Variants in CPXM2 observed in about 807,000 individuals in gnomAD.
CPXM2 encodes the protein inactive carboxypeptidase-like protein X2.
In CPXM2, 66 loss-of-function variants were observed where a neutral mutation model predicts 86.1. The observed-to-expected ratio is 0.77, with a 90% CI of 0.63 to 0.94. The LOEUF is 0.94. Ranked by LOEUF, CPXM2 falls within the 40% of genes least tolerant of loss-of-function variation. The pLI is 0.00. For synonymous variants in CPXM2, 388 were observed against 400.2 expected (o/e 0.97, Z 0.36); for missense variants, 948 against 1,026.3 (o/e 0.92, Z 1.04).
intron 3 of CPXM2, among the ~76,000 whole-genome samples, chr10:123,854,518 T>G (rs1460576163): frequency 6.8e-6 from 1 of 147,474 alleles, no homozygotes; most frequent in African/African-American, 2.5e-5. Context: ...AGGGGCTAAG[T>G]GACCTGCCCT....
At chr10:123,859,001 C>T (rs1848798915) in intron 3 of CPXM2, among the ~76,000 whole-genome samples, 2 of 152,216 alleles carry the variant, frequency 1.3e-5, no homozygotes, top group African/African-American at 4.8e-5. Flanking sequence ...GGGCATCTCA[C>T]CCGAGGCCAC....
intron 6 of CPXM2, among the ~76,000 whole-genome samples, chr10:123,787,117 TAGGAGGCTCCA>T (rs1351119388): frequency 1.3e-5 from 2 of 152,238 alleles, no homozygotes; most frequent in East Asian, 3.9e-4. Context: ...GTGTCAGTGG[TAGGAGGCTCCA>T]AGGTGGCTCC....
intron 4 of CPXM2, among the ~76,000 whole-genome samples, chr10:123,841,907 C>T (rs1263695847): frequency 6.6e-6 from 1 of 152,212 alleles, no homozygotes; most frequent in Non-Finnish European, 1.5e-5. Context: ...TCGTGATCCT[C>T]CATTTAGGAA....
chr10:123,752,625 C>T (rs896239097), intron 13 of CPXM2: 3 of 985,074 alleles, frequency 3.0e-6, no homozygotes, highest in East Asian at 2.3e-4. Context: ...GTTGGCACGA[C>T]AGGATCATGG....
At chr10:123,807,716 A>G (rs1847610326) in intron 4 of CPXM2, among the ~76,000 whole-genome samples, 1 of 152,234 alleles carries the variant, frequency 6.6e-6, no homozygotes, top group African/African-American at 2.4e-5. Flanking sequence ...CTGATCTAAC[A>G]TAAAAGCTGA....
At chr10:123,925,285 G>A (rs1451593803) in intron 2 of CPXM2, among the ~76,000 whole-genome samples, 1 of 152,090 alleles carries the variant, frequency 6.6e-6, no homozygotes, top group African/African-American at 2.4e-5. Context: ...GAGAATTCAG[G>A]CTTGAAAGCT....
At chr10:123,877,927 T>C (rs574938159) in intron 2 of CPXM2, among the ~76,000 whole-genome samples, 1 of 152,310 alleles carries the variant, frequency 6.6e-6, no homozygotes, top group East Asian at 1.9e-4. Flanking sequence ...TAACTCAATG[T>C]AGTTAACATC....
chr10:123,922,424 A>G (rs1945585856), intron 2 of CPXM2, among the ~76,000 whole-genome samples: 1 of 152,168 alleles, frequency 6.6e-6, no homozygotes, highest in Non-Finnish European at 1.5e-5. Flanking sequence ...ATGTAATGCA[A>G]TTTTGCCCTT....
chr10:123,799,148 C>T lies in CPXM2; in HGVS notation c.705G>A (p.Thr235=), dbSNP rs7921802. 615 of 1,614,164 alleles carry T rather than the reference C, an allele frequency of 3.8e-4. 2 individuals carry two copies. In the African/African-American group the frequency reaches 7.1e-3, roughly 19 times the overall value. ...CAGATCCATTCTTAACAGTGACCCACGTGTGGCTGTCATTGCTCACCATGA... is the reference window on the plus strand; with the variant it reads ...CAGATCCATTCTTAACAGTGACCCATGTGTGGCTGTCATTGCTCACCATGA... ...YKVMVSNDSH[T]WVTVKNGSGD... is the part of the protein sequence containing the mutation. The change falls in exon 5 of 14, where the codon ACG becomes ACA. Residue 235 remains threonine, a synonymous_variant. Transcript: ENST00000241305.
At chr10:123,880,614 G>T (rs1479427703) in intron 1 of CPXM2, among the ~76,000 whole-genome samples, 1 of 152,012 alleles carries the variant, frequency 6.6e-6, no homozygotes, top group Non-Finnish European at 1.5e-5. Flanking sequence ...TGGATCACAA[G>T]GTCAGGAGAT....
At chr10:123,876,083 C>T (rs952414513) in intron 2 of CPXM2, among the ~76,000 whole-genome samples, 2 of 152,070 alleles carry the variant, frequency 1.3e-5, no homozygotes, top group Non-Finnish European at 2.9e-5. Flanking sequence ...TCCCAAAGTG[C>T]TAGGATTACA....
intron 3 of CPXM2, among the ~76,000 whole-genome samples, chr10:123,849,562 T>C (rs1289642142): frequency 6.6e-6 from 1 of 151,096 alleles, no homozygotes; most frequent in East Asian, 2.0e-4. Context: ...TACAGGCACC[T>C]GCCACCACAT....
chr10:123,752,731 G>A, intron 13 of CPXM2: 1 of 445,534 alleles, frequency 2.2e-6, no homozygotes, highest in Non-Finnish European at 3.0e-6. Context: ...CCAGTGCTTG[G>A]CTCAAATCAT....
chr10:123,752,381 G>A, intron 13 of CPXM2: 1 of 984,764 alleles, frequency 1.0e-6, no homozygotes, highest in Non-Finnish European at 1.2e-6. Flanking sequence ...AAATATTATT[G>A]AGCAAAGAAA....
At chr10:123,852,290 G>C (rs776448196) in intron 3 of CPXM2, among the ~76,000 whole-genome samples, 6 of 152,030 alleles carry the variant, frequency 3.9e-5, no homozygotes, top group Non-Finnish European at 8.8e-5. Flanking sequence ...TAGATTATCA[G>C]AGTTGCAGGT....
At position 123,787,559 on chromosome 10, in the gene CPXM2, C is replaced by T. The variant is rs540997838; in HGVS notation, c.890-7304G>A. ...ATGTTGGCCAGGCTGGTCTCAAACT[C>T]CTGACCTCAGGTGATTTGTACATGG... On this transcript the variant is annotated intron_variant, in intron 6 of 13. Transcript: ENST00000241305. 1.4e-4 allele frequency among the ~76,000 whole-genome samples: 22 copies of T among 152,238 alleles called. No homozygotes were observed. The East Asian group carries it at 4.3e-3, about 29-fold the overall frequency.
Position 123,891,371 on chromosome 10 carries a change from C to T in CPXM2, c.289G>A (p.Glu97Lys), listed in dbSNP as rs1456507752. Residue 97 changes from glutamate to lysine, a missense_variant, in exon 1 of 14, where the codon GAG becomes AAG. Coordinates refer to ENST00000241305, the MANE Select transcript of CPXM2 (RefSeq NM_198148.3). This position sits in a 1 kb window ranked among gnomAD's most constrained non-coding sequence, Gnocchi z 5.6. ...AGTTCCTTACCTGGTGGAGGCGGCT[C>T]CGGAGCCGACTTCTCCCTCTTGGGA... ...KAPKREKSAP[E>K]PPPPGKHSNK... 5 of 1,556,260 alleles carry T rather than the reference C, an allele frequency of 3.2e-6. No individual in the cohort carries two copies. The African/African-American group carries it at 6.9e-5, about 22-fold the overall frequency.
intron 2 of CPXM2, chr10:123,913,686 G>C (rs1945509098): frequency 5.0e-6 from 1 of 199,852 alleles, no homozygotes; most frequent in Admixed American, 5.5e-5. Flanking sequence ...GTGGGTGTGA[G>C]GAGAGGAAGG....
rs112844514 is a variant in CPXM2, at chr10:123,813,698, G to A, written c.654-14499C>T. 6.0e-3 allele frequency among the ~76,000 whole-genome samples: 916 copies of A among 152,298 alleles called. 10 individuals are homozygous for A. The highest frequency in any genetic ancestry group is 0.021 in the African/African-American group (867 of 41,562). ...CTAAACATGAAATCTAGATCTTAGT[G>A]AATTTTTCTAATGACTGTAATGTCA... On this transcript the variant is annotated intron_variant, in intron 4 of 13. Transcript: ENST00000241305.
Sources: gnomAD v4.1 joint callset for allele counts (sites outside exome capture counted in the v4.1 genomes callset) on GRCh38, gnomAD v4.1.1 for gene constraint, Gnocchi (gnomAD v3.1) non-coding constraint, MANE v1.5 for transcripts, NCBI Gene and HGNC (gene_info 2026-07-23, HGNC 2026-07-21) for gene names.